Variants in PRDM11 observed in about 807,000 individuals in gnomAD.
The protein encoded by PRDM11 is PR/SET domain 11.
In PRDM11, 20 loss-of-function variants were observed where a neutral mutation model predicts 97.8. That is an observed-to-expected ratio of 0.20 (90% CI 0.14 to 0.30). The LOEUF (loss-of-function observed/expected upper bound fraction) is 0.30, where lower values mean the gene tolerates loss of function less well. Among genes scored for constraint, PRDM11 ranks in the 10% least tolerant of loss-of-function variants. PRDM11 has a pLI of 1.00. For synonymous variants in PRDM11, 599 were observed against 637.7 expected, an observed-to-expected ratio of 0.94 and a Z score of 0.91; for missense variants, 1,139 against 1,555.2, an observed-to-expected ratio of 0.73 and a Z score of 4.50.
At chr11:45,104,980 T>C (rs1202919835) in intron 1 of PRDM11, among the ~76,000 whole-genome samples, 1 of 152,202 alleles carries the variant, frequency 6.6e-6, no homozygotes, top group Admixed American at 6.5e-5. Context: ...TGTCTTAGTC[T>C]GCTTGGGCAG....
At chr11:45,155,180 C>CA (rs1241869071) in intron 1 of PRDM11, among the ~76,000 whole-genome samples, 2 of 152,236 alleles carry the variant, frequency 1.3e-5, no homozygotes, top group Non-Finnish European at 2.9e-5. Flanking sequence ...ACCGCCCCCA[C>CA]AATGTCAGCT....
At chr11:45,195,834 C>T (rs111390810) in intron 4 of PRDM11, among the ~76,000 whole-genome samples, 5,738 of 152,180 alleles carry the variant, frequency 0.038, 151 homozygotes, top group South Asian at 0.061. Context: ...CCTTGGCCTC[C>T]CAAAGTGCTG....
At chr11:45,118,310 G>A (rs1481930779) in intron 1 of PRDM11, among the ~76,000 whole-genome samples, 1 of 152,140 alleles carries the variant, frequency 6.6e-6, no homozygotes, top group Non-Finnish European at 1.5e-5. Context: ...TCAAAATATT[G>A]TTTGATTAAC....
At chr11:45,153,254 G>A (rs527497698) in intron 1 of PRDM11, among the ~76,000 whole-genome samples, 31 of 152,218 alleles carry the variant, frequency 2.0e-4, no homozygotes, top group Admixed American at 2.0e-3. Context: ...GCAGGGAAAG[G>A]GAACTGAGAA....
rs1023445785 is a variant in PRDM11, at chr11:45,229,999, G to A, written c.*1840G>A. On this transcript the variant is annotated 3_prime_UTR_variant, in exon 8 of 8. Coordinates refer to ENST00000683152, the MANE Select transcript of PRDM11 (RefSeq NM_001384648.1). ...TGTCATCAACACTGAACATGTTATAGCCCTTTCTTGGTTCCACCAGTCCCT... is the reference window on the plus strand; with the variant it reads ...TGTCATCAACACTGAACATGTTATAACCCTTTCTTGGTTCCACCAGTCCCT... 1 of 151,990 alleles carries A rather than the reference G, an allele frequency of 6.6e-6. No homozygotes were observed. The highest frequency in any genetic ancestry group is 1.5e-5 in the Non-Finnish European group (1 of 68,012). 9.4% of individuals were successfully genotyped at this position (151,990 alleles called of 1,614,324 possible).
Position 45,182,451 on chromosome 11 carries a change from T to C in PRDM11, c.223+102T>C. 4 of 1,061,452 alleles carry C rather than the reference T, an allele frequency of 3.8e-6. No homozygotes were observed. In the East Asian group the frequency reaches 1.0e-4, roughly 27 times the overall value. 65.8% of individuals were successfully genotyped at this position (1,061,452 alleles called of 1,614,324 possible). A position where few individuals can be genotyped will look rare whatever the true frequency, so the allele number is the denominator to read the frequency against. On this transcript the variant is annotated intron_variant, in intron 3 of 7. Coordinates refer to ENST00000683152, the MANE Select transcript of PRDM11 (RefSeq NM_001384648.1). ...AATGCTACTAAGATAGGTCCTCACC[T>C]GCAATATACCAGGCCCAGGTCCAGG...
At chr11:45,190,201 C>T (rs1272429024) in intron 4 of PRDM11, among the ~76,000 whole-genome samples, 2 of 151,334 alleles carry the variant, frequency 1.3e-5, no homozygotes, top group Non-Finnish European at 2.9e-5. Context: ...GGCTGGAGTG[C>T]AGTGGCATGA....
chr11:45,094,649 A>G, upstream of PRDM11, among the ~76,000 whole-genome samples: 1 of 123,404 alleles, frequency 8.1e-6, no homozygotes. Flanking sequence ...AGAAAATGGG[A>G]GGGAGGAAAG....
rs143989184 is a variant in PRDM11 at position 45,182,315 on chromosome 11, C to T, written c.189C>T (p.Ile63=). 1.1e-5 allele frequency: 18 copies of T among 1,613,952 alleles called. No homozygotes were observed. Among genetic ancestry groups the T allele is most frequent in the South Asian group, 6.6e-5 (6 of 91,080 alleles). ...PKKLKGKRDL[I]VPKSFQQVDF... ...AACTGAAGGGGAAGCGCGACCTCAT[C>T]GTGCCCAAAAGCTTCCAGCAAGTGG... Residue 63 remains isoleucine (I), a synonymous_variant, in exon 3 of 8, where the codon ATC becomes ATT. Coordinates refer to ENST00000683152, the MANE Select transcript of PRDM11 (RefSeq NM_001384648.1).
At chr11:45,172,148 G>A (rs529831397) in intron 1 of PRDM11, among the ~76,000 whole-genome samples, 2 of 152,276 alleles carry the variant, frequency 1.3e-5, no homozygotes, top group East Asian at 3.9e-4. Context: ...TTACATAAAG[G>A]CTACAACTCA....
chr11:45,174,811 C>T (rs751204479), intron 1 of PRDM11, among the ~76,000 whole-genome samples: 13 of 152,212 alleles, frequency 8.5e-5, no homozygotes, highest in Non-Finnish European at 1.8e-4. Context: ...CCTGAACTAA[C>T]CACTAGTGAT....
chr11:45,187,799 CGTGTGTGTGTGTGTGTGTGTGT>C (rs61613469), intron 4 of PRDM11, among the ~76,000 whole-genome samples: 1 of 147,090 alleles, frequency 6.8e-6, no homozygotes, highest in Non-Finnish European at 1.5e-5. Flanking sequence ...AAGAAAAGTT[CGTGTGTGTGTGTGTGTGTGTGT>C]GTGTGTGTGT....
At chr11:45,188,033 C>T (rs1169449667) in intron 4 of PRDM11, among the ~76,000 whole-genome samples, 1 of 151,958 alleles carries the variant, frequency 6.6e-6, no homozygotes, top group African/African-American at 2.4e-5. Context: ...AAGTCCTGTC[C>T]CAAAGCCATA....
intron 1 of PRDM11, among the ~76,000 whole-genome samples, chr11:45,105,377 A>G (rs1029630783): frequency 6.6e-6 from 1 of 152,218 alleles, no homozygotes; most frequent in African/African-American, 2.4e-5. Context: ...GTGCTGCAAA[A>G]GCCTTGAGCT....
rs1183339151 is a variant in PRDM11, at chr11:45,194,590, C to CTTTTTTTTT, written c.487-10120_487-10119insTTTTTTTTT. Among the ~76,000 whole-genome samples the CTTTTTTTTT allele has an allele frequency of 5.7e-4, 51 of 89,962 alleles. 12 individuals carry two copies. Among genetic ancestry groups the CTTTTTTTTT allele is most frequent in the South Asian group, 1.6e-3 (4 of 2,472 alleles). The allele number at this position is 89,962 out of a possible 152,430, so 59.0% of individuals were successfully genotyped here. ...AGTACTGTGGGATAGTTATTATCTT[C>CTTTTTTTTT]TGTTTTTTTTTTTTTTTTTTTTTTT... On this transcript the variant is annotated intron_variant, in intron 4 of 7. Transcript: ENST00000683152.
intron 1 of PRDM11, among the ~76,000 whole-genome samples, chr11:45,166,075 C>A (rs2135711256): frequency 6.6e-6 from 1 of 152,334 alleles, no homozygotes; most frequent in African/African-American, 2.4e-5. Context: ...GGACTAATTA[C>A]AAACTGACTG....
At chr11:45,196,637 A>G (rs185982883) in intron 4 of PRDM11, among the ~76,000 whole-genome samples, 1 of 152,230 alleles carries the variant, frequency 6.6e-6, no homozygotes, top group Admixed American at 6.5e-5. Flanking sequence ...CAAGGGTCCA[A>G]ACTAGTACTC....
chr11:45,172,877 T>C (rs1852235063), intron 1 of PRDM11, among the ~76,000 whole-genome samples: 1 of 152,156 alleles, frequency 6.6e-6, no homozygotes, highest in Non-Finnish European at 1.5e-5. Flanking sequence ...TGAATGTGTG[T>C]TTCTTGTCCT....
At chr11:45,157,002 G>A (rs142018931) in intron 1 of PRDM11, among the ~76,000 whole-genome samples, 476 of 152,262 alleles carry the variant, frequency 3.1e-3, no homozygotes, top group Admixed American at 5.9e-3. Context: ...GGGCCAGGCC[G>A]GGAGGGCCTT....
Sources: allele counts gnomAD v4.1 joint callset (sites outside exome capture counted in the v4.1 genomes callset), GRCh38; gene constraint gnomAD v4.1.1; transcripts MANE v1.5; gene names NCBI Gene and HGNC (gene_info 2026-07-23, HGNC 2026-07-21).